The following ARHGAP44 variants were observed in gnomAD, a reference collection of about 807,000 sequenced individuals.
The protein encoded by ARHGAP44 is Rho GTPase activating protein 44, also known as rho GTPase-activating protein 44.
ARHGAP44 carries 43 observed loss-of-function variants against 106.8 expected under a neutral mutation model. The ratio of observed to expected loss-of-function variants is 0.40; its 90% CI spans 0.32 to 0.52. The LOEUF is 0.52. Ranked by LOEUF, ARHGAP44 falls within the 20% of genes least tolerant of loss-of-function variation. The pLI, the probability that ARHGAP44 is intolerant of heterozygous loss-of-function variation, is 0.48. For missense variants in ARHGAP44, 866 were observed against 1,050.5 expected (o/e 0.82, Z 2.43); for synonymous variants, 439 against 410.3 (o/e 1.07, Z -0.85).
At chr17:12,796,897 G>A (rs1278428939) in intron 1 of ARHGAP44, among the ~76,000 whole-genome samples, 7 of 152,042 alleles carry the variant, frequency 4.6e-5, no homozygotes, top group Admixed American at 2.0e-4. Flanking sequence ...AAGCCACTGC[G>A]CCTGGCCTTG....
In ARHGAP44 at chr17:12,984,877, T is replaced by C. The variant is rs758770603; in HGVS notation, c.2286T>C (p.Asp762=). The C allele has an allele frequency of 2.5e-6, 4 of 1,613,258 alleles. No homozygotes were observed. The South Asian group carries it at 3.3e-5, about 13-fold the overall frequency. Residue 762 remains aspartate (D), a synonymous_variant, in exon 20 of 21, where the codon GAT becomes GAC. Transcript: ENST00000379672. ...AGTCCACGGAGGCCCCCATGCTAGA[T>C]GGCATGTCCCCTGGGGAAAGCATGT... is the stretch of plus-strand genomic sequence containing the variant. ...SPQSTEAPML[D]GMSPGESMST...
At position 12,958,637 on chromosome 17, in the gene ARHGAP44, G is replaced by A; in HGVS notation, c.1343-80G>A. The A allele has an allele frequency of 7.3e-7, 1 of 1,374,650 alleles. No homozygotes were observed. The allele number at this position is 1,374,650 out of a possible 1,614,324, so 85.2% of individuals were successfully genotyped here. ...AGGGATGACATACGAGGGAGTGGGT[G>A]TCTGGACTCATTCCTCCCCTGCCCA... On this transcript the variant is annotated intron_variant, in intron 15 of 20. Coordinates refer to ENST00000379672, the MANE Select transcript of ARHGAP44 (RefSeq NM_014859.6). The surrounding 1 kb of genome is among the most constrained non-coding windows in gnomAD (Gnocchi z 4.1).
intron 1 of ARHGAP44, among the ~76,000 whole-genome samples, chr17:12,881,861 G>A (rs1014646934): frequency 6.6e-6 from 1 of 151,874 alleles, no homozygotes; most frequent in Non-Finnish European, 1.5e-5. Flanking sequence ...ACCCAGCTAT[G>A]TTTTCATTTT....
At chr17:12,934,021 G>T (rs1192132678) in intron 7 of ARHGAP44, among the ~76,000 whole-genome samples, 2 of 151,878 alleles carry the variant, frequency 1.3e-5, no homozygotes, top group Non-Finnish European at 2.9e-5. Flanking sequence ...GCTAATTTTT[G>T]TATTTTTAGT....
intron 1 of ARHGAP44, among the ~76,000 whole-genome samples, chr17:12,819,614 G>A (rs1390873444): frequency 6.7e-6 from 1 of 149,928 alleles, no homozygotes; most frequent in African/African-American, 2.5e-5. Context: ...TGCCACTTCA[G>A]TAGCTGTGTT....
chr17:12,988,210 G>A (rs529419245), intron 20 of ARHGAP44: 1 of 152,234 alleles, frequency 6.6e-6, no homozygotes, highest in East Asian at 1.9e-4. Flanking sequence ...ATAAAGGTAT[G>A]ACAGCTCACA....
chr17:12,938,164 CAAG>C (rs909867779), intron 7 of ARHGAP44, among the ~76,000 whole-genome samples: 3 of 151,990 alleles, frequency 2.0e-5, no homozygotes, highest in African/African-American at 7.2e-5. Flanking sequence ...CAAGATTTGA[CAAG>C]AAGACAATCT....
intron 1 of ARHGAP44, among the ~76,000 whole-genome samples, chr17:12,878,245 T>A (rs766193409): frequency 6.6e-6 from 1 of 151,816 alleles, no homozygotes; most frequent in Non-Finnish European, 1.5e-5. Flanking sequence ...TTTCAGAGCG[T>A]CTTATGAATC....
intron 1 of ARHGAP44, among the ~76,000 whole-genome samples, chr17:12,855,548 A>G (rs923544528): frequency 6.6e-6 from 1 of 151,144 alleles, no homozygotes; most frequent in Non-Finnish European, 1.5e-5. Context: ...AACTAATTTA[A>G]TTCATTTCCT....
intron 1 of ARHGAP44, among the ~76,000 whole-genome samples, chr17:12,861,228 G>A (rs1414147690): frequency 6.6e-6 from 1 of 152,124 alleles, no homozygotes; most frequent in Admixed American, 6.5e-5. Context: ...GAGCTCAAGC[G>A]ATCTGCCTAC....
intron 10 of ARHGAP44, among the ~76,000 whole-genome samples, chr17:12,944,779 G>A (rs1161989988): frequency 2.0e-5 from 3 of 151,564 alleles, no homozygotes. Context: ...GTGAGCCACT[G>A]CGCCCGACCC....
At chr17:12,916,323 C>T (rs1567684996) in intron 5 of ARHGAP44, among the ~76,000 whole-genome samples, 3 of 152,130 alleles carry the variant, frequency 2.0e-5, no homozygotes, top group Admixed American at 1.3e-4. Flanking sequence ...CATCTCAAGT[C>T]TTCAGTGCTG....
intron 1 of ARHGAP44, among the ~76,000 whole-genome samples, chr17:12,802,647 C>T (rs2034128347): frequency 6.6e-6 from 1 of 150,800 alleles, no homozygotes; most frequent in African/African-American, 2.4e-5. Context: ...TGACCAGGCT[C>T]TTTAATCAGT....
intron 3 of ARHGAP44, among the ~76,000 whole-genome samples, chr17:12,903,381 A>G (rs2037453449): frequency 6.6e-6 from 1 of 152,032 alleles, no homozygotes; most frequent in African/African-American, 2.4e-5. Context: ...AGAGCTAGGG[A>G]GAAAAATTAT....
intron 1 of ARHGAP44, among the ~76,000 whole-genome samples, chr17:12,828,733 C>T (rs1391408200): frequency 2.7e-5 from 4 of 150,148 alleles, no homozygotes; most frequent in Non-Finnish European, 5.9e-5. Context: ...GCTCCACCTC[C>T]CGGGTTCATG....
intron 1 of ARHGAP44, among the ~76,000 whole-genome samples, chr17:12,877,102 A>G (rs1043514121): frequency 6.6e-6 from 1 of 152,204 alleles, no homozygotes; most frequent in Non-Finnish European, 1.5e-5. Context: ...ATTGTTTGTA[A>G]TAAGACCGTC....
chr17:12,946,441 T>C, intron 10 of ARHGAP44, among the ~76,000 whole-genome samples: 1 of 148,618 alleles, frequency 6.7e-6, no homozygotes, highest in South Asian at 2.1e-4. Context: ...AGCCCAGGAG[T>C]TCAAGACCAG....
intron 1 of ARHGAP44, among the ~76,000 whole-genome samples, chr17:12,865,350 G>A (rs892737274): frequency 6.6e-6 from 1 of 152,168 alleles, no homozygotes; most frequent in Non-Finnish European, 1.5e-5. Context: ...TTTGACACAT[G>A]AAGGCCTTGG....
At chr17:12,858,928 C>T (rs1031191035) in intron 1 of ARHGAP44, among the ~76,000 whole-genome samples, 1 of 152,130 alleles carries the variant, frequency 6.6e-6, no homozygotes, top group Non-Finnish European at 1.5e-5. Context: ...GGGGAAACCC[C>T]TTATAAACCA....
Sources: gnomAD v4.1 joint callset for allele counts (sites outside exome capture counted in the v4.1 genomes callset) on GRCh38, gnomAD v4.1.1 for gene constraint, Gnocchi (gnomAD v3.1) non-coding constraint, MANE v1.5 for transcripts, NCBI Gene and HGNC (gene_info 2026-07-23, HGNC 2026-07-21) for gene names.